Variants in CNTNAP2 observed in about 807,000 individuals in gnomAD.
CNTNAP2 encodes the protein contactin associated protein 2, also known as contactin-associated protein-like 2.
In CNTNAP2, 98 loss-of-function variants were observed where a neutral mutation model predicts 155.2. The ratio of observed to expected loss-of-function variants is 0.63; its 90% CI spans 0.54 to 0.75. The LOEUF (loss-of-function observed/expected upper bound fraction) is 0.75, where lower values mean the gene tolerates loss of function less well. CNTNAP2 is among the 30% of genes least tolerant of loss of function. The pLI is 0.00. For synonymous variants in CNTNAP2, 651 were observed against 631.2 expected (o/e 1.03, Z -0.47); for missense variants, 1,727 against 1,688.1 (o/e 1.02, Z -0.40).
intron 1 of CNTNAP2, among the ~76,000 whole-genome samples, chr7:146,353,048 C>T (rs745815151): frequency 2.0e-5 from 3 of 152,088 alleles, no homozygotes; most frequent in Non-Finnish European, 4.4e-5. Context: ...GCCACCGCGC[C>T]CGGCCAGGGG....
intron 9 of CNTNAP2, among the ~76,000 whole-genome samples, chr7:147,391,301 A>G (rs557644448): frequency 1.4e-4 from 21 of 152,274 alleles, no homozygotes; most frequent in African/African-American, 4.8e-4. Context: ...TTTCCCGGAC[A>G]TGATTCTCCA....
chr7:148,167,536 A>G (rs1346774328), intron 17 of CNTNAP2, among the ~76,000 whole-genome samples: 2 of 152,188 alleles, frequency 1.3e-5, no homozygotes, highest in African/African-American at 2.4e-5. Context: ...AGAAAGAAAA[A>G]GCAAGCAAGG....
At chr7:147,250,578 C>T (rs1449099781) in intron 8 of CNTNAP2, among the ~76,000 whole-genome samples, 3 of 146,296 alleles carry the variant, frequency 2.1e-5, no homozygotes, top group Non-Finnish European at 4.5e-5. Context: ...CCTCATGTGT[C>T]TGGATTCTCA....
intron 4 of CNTNAP2, among the ~76,000 whole-genome samples, chr7:147,070,180 C>T (rs1799863127): frequency 6.6e-6 from 1 of 152,134 alleles, no homozygotes; most frequent in Non-Finnish European, 1.5e-5. Flanking sequence ...TTTGTTTTCA[C>T]TTTAAAGAAA....
chr7:147,639,333 T>C (rs781732948), intron 13 of CNTNAP2, 27 bp downstream of exon 13: 24 of 1,604,296 alleles, frequency 1.5e-5, no homozygotes, highest in Admixed American at 5.0e-5. Flanking sequence ...ATGTTACTTT[T>C]AATCACTATC....
rs113726824 is a variant in CNTNAP2 at position 147,276,130 on chromosome 7, G to A, written c.1349-24011G>A. On this transcript the variant is annotated intron_variant, in intron 8 of 23. Coordinates refer to ENST00000361727, the MANE Select transcript of CNTNAP2 (RefSeq NM_014141.6). The stretch of plus-strand genomic sequence containing the variant: ...ATCCCAGCATCAGGGATGTTGACTT[G>A]TATTTTTCTTTTTTTGTTGTGCCCT... Among the ~76,000 whole-genome samples, 1,246 of 151,780 alleles carry A rather than the reference G, an allele frequency of 8.2e-3. 18 individuals carry two copies. Among genetic ancestry groups the A allele is most frequent in the African/African-American group, 0.029 (1,182 of 41,438 alleles).
rs998363584 is a variant in CNTNAP2, at chr7:148,383,640, T to G, written c.3476-9T>G. The stretch of plus-strand genomic sequence containing the variant: ...TCAAGTAACATTTTCATTTCTTTTT[T>G]TCTTTTAGAAACAGGGAAAATTGAC... On this transcript the variant is annotated splice_polypyrimidine_tract_variant and intron_variant, in intron 21 of 23. Transcript: ENST00000361727. 15 of 1,614,108 alleles carry G rather than the reference T, an allele frequency of 9.3e-6. No individual in the cohort carries two copies. In the African/African-American group the frequency reaches 1.2e-4, roughly 13 times the overall value.
At chr7:147,917,679 T>C (rs920804408) in intron 14 of CNTNAP2, among the ~76,000 whole-genome samples, 24 of 152,158 alleles carry the variant, frequency 1.6e-4, no homozygotes. Context: ...TTCCTAAAAA[T>C]GAGCATTCTG....
At chr7:147,174,410 G>A (rs76388062) in intron 8 of CNTNAP2, among the ~76,000 whole-genome samples, 1 of 151,944 alleles carries the variant, frequency 6.6e-6, no homozygotes, top group Non-Finnish European at 1.5e-5. Context: ...AGATCACATC[G>A]TGACACTCCT....
chr7:147,701,570 C>T (rs565215121), intron 13 of CNTNAP2, among the ~76,000 whole-genome samples: 4 of 152,204 alleles, frequency 2.6e-5, no homozygotes, highest in Admixed American at 6.5e-5. Flanking sequence ...TGTCTTCTAA[C>T]GGCTTTTTTC....
At chr7:147,415,471 A>G (rs952637605) in intron 10 of CNTNAP2, among the ~76,000 whole-genome samples, 2 of 152,150 alleles carry the variant, frequency 1.3e-5, no homozygotes, top group Non-Finnish European at 2.9e-5. Flanking sequence ...ACGAGATCTG[A>G]TGACTTTTTA....
chr7:147,812,337 A>G (rs1798194028), intron 13 of CNTNAP2, among the ~76,000 whole-genome samples: 1 of 152,138 alleles, frequency 6.6e-6, no homozygotes, highest in African/African-American at 2.4e-5. Flanking sequence ...TTTTGCAAAA[A>G]TATGTACTAT....
intron 8 of CNTNAP2, among the ~76,000 whole-genome samples, chr7:147,177,628 T>C (rs1584774089): frequency 6.6e-6 from 1 of 152,200 alleles, no homozygotes; most frequent in African/African-American, 2.4e-5. Flanking sequence ...AATATTCCTT[T>C]CTCTTCATTT....
At chr7:147,741,749 C>T (rs1362581851) in intron 13 of CNTNAP2, among the ~76,000 whole-genome samples, 1 of 152,164 alleles carries the variant, frequency 6.6e-6, no homozygotes, top group African/African-American at 2.4e-5. Context: ...TATTAGAATT[C>T]ATGATATTAA....
chr7:147,062,052 C>T (rs1309948237), intron 4 of CNTNAP2, among the ~76,000 whole-genome samples: 1 of 136,756 alleles, frequency 7.3e-6, no homozygotes, highest in Non-Finnish European at 1.5e-5. Context: ...GGAGTGAACC[C>T]GGGAGGCAGA....
intron 3 of CNTNAP2, among the ~76,000 whole-genome samples, chr7:146,962,120 C>T (rs554209714): frequency 1.1e-4 from 17 of 152,250 alleles, no homozygotes; most frequent in Non-Finnish European, 2.1e-4. Context: ...TGTTTTCTAA[C>T]ATAAACTTGA....
intron 1 of CNTNAP2, among the ~76,000 whole-genome samples, chr7:146,743,574 CTT>C (rs559237602): frequency 6.9e-5 from 10 of 145,900 alleles, no homozygotes; most frequent in African/African-American, 2.0e-4. Context: ...TATGCAGTGA[CTT>C]TTTTTTTTTT....
intron 1 of CNTNAP2, among the ~76,000 whole-genome samples, chr7:146,344,715 G>A (rs1035521944): frequency 2.6e-5 from 4 of 152,084 alleles, no homozygotes; most frequent in African/African-American, 7.2e-5. Context: ...CTGACCTAAG[G>A]GATCAGCCCA....
intron 13 of CNTNAP2, among the ~76,000 whole-genome samples, chr7:147,833,434 C>T (rs375943377): frequency 6.6e-6 from 1 of 152,120 alleles, no homozygotes; most frequent in African/African-American, 2.4e-5. Flanking sequence ...AAAATAGAAC[C>T]TTCCCTCGAT....
Sources: allele counts gnomAD v4.1 joint callset (sites outside exome capture counted in the v4.1 genomes callset), GRCh38; gene constraint gnomAD v4.1.1; transcripts MANE v1.5; gene names NCBI Gene and HGNC (gene_info 2026-07-23, HGNC 2026-07-21).